PTPRD: variants seen among roughly 807,000 people sequenced by gnomAD.
PTPRD encodes protein tyrosine phosphatase receptor type D, also known as receptor-type tyrosine-protein phosphatase delta.
In PTPRD, 34 loss-of-function variants were observed where a neutral mutation model predicts 214.5. That is an observed-to-expected ratio of 0.16 (90% CI 0.12 to 0.21). The LOEUF is 0.21. PTPRD is among the 10% of genes least tolerant of loss of function. The probability of loss-of-function intolerance (pLI) is 1.00; values close to 1 mark genes in which losing one functional copy is unlikely to be tolerated. For missense variants in PTPRD, 2,545 were observed against 2,398.7 expected (o/e 1.06, Z -1.27); for synonymous variants, 1,128 against 845.7 (o/e 1.33, Z -5.79).
chr9:10,503,394 C>G (rs2044577325), intron 2 of PTPRD, among the ~76,000 whole-genome samples: 2 of 151,672 alleles, frequency 1.3e-5, no homozygotes, highest in Admixed American at 1.3e-4. Flanking sequence ...TAATAAATAC[C>G]TTAATATTAT....
At chr9:10,162,332 G>GAT (rs531765748) in intron 3 of PTPRD, among the ~76,000 whole-genome samples, 5 of 151,372 alleles carry the variant, frequency 3.3e-5, no homozygotes, top group East Asian at 1.9e-4. Context: ...AAGGAAATGT[G>GAT]ATATATATAC....
At chr9:8,847,079 C>G (rs552284269) in intron 11 of PTPRD, among the ~76,000 whole-genome samples, 2 of 152,034 alleles carry the variant, frequency 1.3e-5, no homozygotes, top group South Asian at 2.1e-4. Context: ...AAGTTAGTAT[C>G]TATTTTGGTA....
intron 5 of PTPRD, among the ~76,000 whole-genome samples, chr9:9,925,807 A>T (rs1008174894): frequency 6.6e-6 from 1 of 152,004 alleles, no homozygotes; most frequent in Non-Finnish European, 1.5e-5. Flanking sequence ...AAGAATCTCA[A>T]ATCTATATAC....
chr9:9,706,705 G>T (rs774319911), intron 7 of PTPRD, among the ~76,000 whole-genome samples: 38 of 152,008 alleles, frequency 2.5e-4, no homozygotes, highest in Non-Finnish European at 4.9e-4. Flanking sequence ...CTCCCAAAGT[G>T]CTAGCATTGC....
intron 3 of PTPRD, among the ~76,000 whole-genome samples, chr9:10,159,048 T>TA (rs2099111301): frequency 1.3e-5 from 2 of 152,098 alleles, no homozygotes; most frequent in Non-Finnish European, 2.9e-5. Flanking sequence ...TAGGAAGCCT[T>TA]CTCACACTAA....
chr9:9,210,795 T>C (rs151170114), intron 9 of PTPRD, among the ~76,000 whole-genome samples: 47 of 152,134 alleles, frequency 3.1e-4, no homozygotes, highest in African/African-American at 9.9e-4. Flanking sequence ...GTGAACTTAC[T>C]AATTTTGCTC....
intron 11 of PTPRD, among the ~76,000 whole-genome samples, chr9:8,833,711 T>TCCACAC (rs2097348796): frequency 7.3e-6 from 1 of 137,518 alleles, no homozygotes; most frequent in African/African-American, 2.7e-5. Context: ...TATATATATA[T>TCCACAC]ATATACACAC....
rs138213418 is a variant in PTPRD at position 9,660,896 on chromosome 9, G to A, written c.-287+73637C>T. On this transcript the variant is annotated intron_variant, in intron 7 of 45. Coordinates refer to ENST00000381196, the MANE Select transcript of PTPRD (RefSeq NM_002839.4). ...GAAAGCTACGCTGCCACCAATGCCA[G>A]GATTCATGACTTTGTCATTGTGTCA... 2.5e-3 allele frequency among the ~76,000 whole-genome samples: 384 copies of A among 152,008 alleles called. 2 individuals carry two copies. Among genetic ancestry groups the A allele is most frequent in the African/African-American group, 8.7e-3 (360 of 41,516 alleles).
chr9:10,425,585 T>C (rs1257213321), intron 2 of PTPRD, among the ~76,000 whole-genome samples: 1 of 151,980 alleles, frequency 6.6e-6, no homozygotes, highest in Non-Finnish European at 1.5e-5. Flanking sequence ...ACTAAACTCA[T>C]TTCAAACAAA....
intron 6 of PTPRD, among the ~76,000 whole-genome samples, chr9:9,748,987 T>C (rs956546689): frequency 6.6e-6 from 1 of 152,084 alleles, no homozygotes; most frequent in East Asian, 1.9e-4. Context: ...CAAAACCCAA[T>C]AGGCTAACAG....
rs372900817 is a variant in PTPRD at position 10,443,330 on chromosome 9, G to A, written c.-599-102313C>T. Among the ~76,000 whole-genome samples, 15 of 151,656 alleles carry A rather than the reference G, an allele frequency of 9.9e-5. No homozygotes were observed. In the South Asian group the frequency reaches 2.1e-3, roughly 21 times the overall value. Reference sequence around the variant, plus strand: ...TGATAAATTGGGTTTATGGTGAGCCGCTACATTCAATCTATGGTAGTAAAT... The same window carrying A: ...TGATAAATTGGGTTTATGGTGAGCCACTACATTCAATCTATGGTAGTAAAT... On this transcript the variant is annotated intron_variant, in intron 2 of 45. Transcript: ENST00000381196.
chr9:10,400,839 A>T (rs1002323243), intron 2 of PTPRD, among the ~76,000 whole-genome samples: 1 of 151,624 alleles, frequency 6.6e-6, no homozygotes, highest in African/African-American at 2.4e-5. Flanking sequence ...CTAAAAGTGC[A>T]TTCAGTGTTA....
chr9:9,797,243 G>GATT (rs2099008476), intron 5 of PTPRD, among the ~76,000 whole-genome samples: 1 of 98,100 alleles, frequency 1.0e-5, no homozygotes, highest in Non-Finnish European at 2.0e-5. Context: ...ATTTCAGGCA[G>GATT]TTTTTTTTTT....
chr9:8,546,344 T>C (rs958348922), intron 14 of PTPRD, among the ~76,000 whole-genome samples: 6 of 152,212 alleles, frequency 3.9e-5, no homozygotes, highest in Non-Finnish European at 8.8e-5. Context: ...TGAGGGACTT[T>C]AGCAAGCAAC....
intron 8 of PTPRD, among the ~76,000 whole-genome samples, chr9:9,483,481 T>C (rs946646710): frequency 1.3e-5 from 2 of 152,066 alleles, no homozygotes; most frequent in African/African-American, 4.8e-5. Flanking sequence ...CATAAAGTAA[T>C]AAAAATACGG....
At chr9:9,925,031 AC>A (rs2083783380) in intron 5 of PTPRD, among the ~76,000 whole-genome samples, 1 of 152,114 alleles carries the variant, frequency 6.6e-6, no homozygotes, top group African/African-American at 2.4e-5. Context: ...AATACCTTTG[AC>A]TTTAGCAGCT....
chr9:9,409,837 G>A (rs912562950), intron 8 of PTPRD, among the ~76,000 whole-genome samples: 13 of 152,044 alleles, frequency 8.6e-5, no homozygotes, highest in African/African-American at 2.9e-4. Flanking sequence ...GATGAAAAAT[G>A]TCTAAGGTTT....
chr9:9,442,335 C>G (rs910606903), intron 8 of PTPRD: 14 of 152,246 alleles, frequency 9.2e-5, no homozygotes, highest in Non-Finnish European at 1.9e-4. Context: ...TTTCTTATAG[C>G]CACAGTTCCT....
rs1822683663 is a variant in PTPRD at position 8,317,340 on chromosome 9, A to T, written c.*534T>A. On this transcript the variant is annotated 3_prime_UTR_variant, in exon 46 of 46. Transcript: ENST00000381196. Reference sequence around the variant, plus strand: ...AAGTTTACACAGTTAGAAATGAAGCACAGGTCAGCAGTATCTTTACAATAC... The same window carrying T: ...AAGTTTACACAGTTAGAAATGAAGCTCAGGTCAGCAGTATCTTTACAATAC... 1 of 232,402 alleles carries T rather than the reference A, an allele frequency of 4.3e-6. No individual in the cohort carries two copies. The highest frequency in any genetic ancestry group is 5.6e-5 in the Admixed American group (1 of 17,728). 14.4% of individuals were successfully genotyped at this position (232,402 alleles called of 1,614,324 possible).
Sources: gnomAD v4.1 joint callset for allele counts (sites outside exome capture counted in the v4.1 genomes callset) on GRCh38, gnomAD v4.1.1 for gene constraint, MANE v1.5 for transcripts, NCBI Gene and HGNC (gene_info 2026-07-23, HGNC 2026-07-21) for gene names.